Variants in IMMP1L observed in about 807,000 individuals in gnomAD.
The protein encoded by IMMP1L is mitochondrial inner membrane protease subunit 1.
IMMP1L carries 24 observed loss-of-function variants against 21.8 expected under a neutral mutation model. The ratio of observed to expected loss-of-function variants is 1.10; its 90% CI spans 0.80 to 1.55. The LOEUF (loss-of-function observed/expected upper bound fraction) is 1.55, where lower values mean the gene tolerates loss of function less well. Ranked by LOEUF, IMMP1L falls within the 40% of genes most tolerant of loss-of-function variation. The probability of loss-of-function intolerance (pLI) is 0.00; values close to 1 mark genes in which losing one functional copy is unlikely to be tolerated. For synonymous variants in IMMP1L, 46 were observed against 62.8 expected, an observed-to-expected ratio of 0.73 and a Z score of 1.26; for missense variants, 195 against 200.7, an observed-to-expected ratio of 0.97 and a Z score of 0.17.
chr11:31,476,021 T>C (rs915026511), intron 1 of IMMP1L, among the ~76,000 whole-genome samples: 2 of 152,110 alleles, frequency 1.3e-5, no homozygotes, highest in Admixed American at 6.5e-5. Context: ...AAATATATAA[T>C]ACTACAAGCT....
At chr11:31,500,295 G>A (rs750495803) in intron 1 of IMMP1L, among the ~76,000 whole-genome samples, 22 of 151,896 alleles carry the variant, frequency 1.4e-4, no homozygotes, top group Non-Finnish European at 2.2e-4. Context: ...AGGAAAACAC[G>A]AGCATGAGAA....
rs376237933 is a variant in IMMP1L, at chr11:31,472,858, TTTTA to T, written c.-29-9557_-29-9554del. ...TGAGAACTTAGATACCTCTTTTATTTTTTATTTATTTATTTATTTTTTTTTGAGA... is the reference window on the plus strand; with the variant it reads ...TGAGAACTTAGATACCTCTTTTATTTTTTATTTATTTATTTTTTTTTGAGA... On this transcript the variant is annotated intron_variant, in intron 1 of 5. Coordinates refer to ENST00000532287, the MANE Select transcript of IMMP1L (RefSeq NM_001304274.2). Among the ~76,000 whole-genome samples the T allele has an allele frequency of 3.7e-3, 568 of 152,146 alleles. 9 individuals carry two copies. The highest frequency in any genetic ancestry group is 0.03 in the South Asian group (146 of 4,816).
intron 1 of IMMP1L, among the ~76,000 whole-genome samples, chr11:31,507,470 T>C (rs1444553158): frequency 1.3e-5 from 2 of 152,174 alleles, no homozygotes; most frequent in South Asian, 2.1e-4. Flanking sequence ...TTGGGAAATC[T>C]AAAGGGTTAA....
intron 1 of IMMP1L, among the ~76,000 whole-genome samples, chr11:31,494,737 A>G (rs1254235771): frequency 1.3e-5 from 2 of 151,628 alleles, no homozygotes; most frequent in East Asian, 3.9e-4. Context: ...CACCTCCCGG[A>G]TTTACTTACG....
chr11:31,499,105 C>G (rs532970850), intron 1 of IMMP1L, among the ~76,000 whole-genome samples: 3 of 152,182 alleles, frequency 2.0e-5, no homozygotes, highest in Non-Finnish European at 4.4e-5. Flanking sequence ...GTGGCTTACA[C>G]TGTAATCCCA....
At chr11:31,460,488 CAA>C in intron 3 of IMMP1L, 136 bp downstream of exon 3, 1 of 584,178 alleles carries the variant, frequency 1.7e-6, no homozygotes, top group South Asian at 2.6e-5. Context: ...ATATTTGACT[CAA>C]AATTTTATCT....
chr11:31,489,771 G>T, intron 1 of IMMP1L, among the ~76,000 whole-genome samples: 1 of 150,708 alleles, frequency 6.6e-6, no homozygotes. Context: ...TTTTAACCTG[G>T]TACCTTTAAA....
chr11:31,446,008 G>GT (rs1953506257), intron 4 of IMMP1L, among the ~76,000 whole-genome samples: 1 of 152,132 alleles, frequency 6.6e-6, no homozygotes. Flanking sequence ...AATTGCCACA[G>GT]TATTAATTTA....
intron 4 of IMMP1L, 137 bp from the exon 5 acceptor site, chr11:31,433,707 G>A: frequency 2.2e-6 from 1 of 449,910 alleles, no homozygotes; most frequent in Non-Finnish European, 3.9e-6. Flanking sequence ...TCCTAATATT[G>A]CATTTTTGCT....
At chr11:31,453,228 C>A in intron 4 of IMMP1L, 1 of 574,750 alleles carries the variant, frequency 1.7e-6, no homozygotes, top group Non-Finnish European at 2.6e-6. Flanking sequence ...ATCACTTAAC[C>A]AATGATTTGT....
intron 2 of IMMP1L, 124 bp from the exon 3 acceptor site, chr11:31,460,838 T>C (rs934500765): frequency 4.1e-6 from 3 of 723,724 alleles, no homozygotes; most frequent in African/African-American, 3.6e-5. Flanking sequence ...GGATGATTCA[T>C]GAAAATTTGG....
chr11:31,459,502 A>G (rs549497939), intron 3 of IMMP1L, among the ~76,000 whole-genome samples: 1 of 152,352 alleles, frequency 6.6e-6, no homozygotes, highest in East Asian at 1.9e-4. Flanking sequence ...ATATTAAATT[A>G]TTAATACTTG....
intron 5 of IMMP1L, 105 bp downstream of exon 5, chr11:31,433,355 G>A: frequency 1.6e-6 from 1 of 621,294 alleles, no homozygotes; most frequent in East Asian, 2.9e-5. Context: ...TATATTCGGT[G>A]CAACAGTTAA....
chr11:31,484,410 A>G (rs1425411423), intron 1 of IMMP1L, among the ~76,000 whole-genome samples: 1 of 151,906 alleles, frequency 6.6e-6, no homozygotes, highest in African/African-American at 2.4e-5. Flanking sequence ...TAACAATGGT[A>G]TGTGAAAAAC....
At chr11:31,452,315 T>C in intron 4 of IMMP1L, 1 of 983,886 alleles carries the variant, frequency 1.0e-6, no homozygotes, top group Non-Finnish European at 1.2e-6. Context: ...AATATTATAC[T>C]AATAAACATT....
chr11:31,489,063 A>ATT (rs1271784812), intron 1 of IMMP1L, among the ~76,000 whole-genome samples: 1 of 151,476 alleles, frequency 6.6e-6, no homozygotes, highest in African/African-American at 2.4e-5. Flanking sequence ...TGCCCAGCTA[A>ATT]TTTTTTTGTA....
intron 1 of IMMP1L, among the ~76,000 whole-genome samples, chr11:31,506,311 C>A (rs1955777909): frequency 1.4e-5 from 2 of 147,078 alleles, no homozygotes; most frequent in South Asian, 4.3e-4. Flanking sequence ...TCACTGCAAG[C>A]TCTGCCTCCC....
At chr11:31,474,028 T>C (rs1266130407) in intron 1 of IMMP1L, among the ~76,000 whole-genome samples, 6 of 152,070 alleles carry the variant, frequency 3.9e-5, no homozygotes, top group African/African-American at 7.2e-5. Context: ...AGTGTTCACA[T>C]TAAGAAAGGG....
chr11:31,480,789 AC>A (rs921191389), intron 1 of IMMP1L, among the ~76,000 whole-genome samples: 4 of 152,110 alleles, frequency 2.6e-5, no homozygotes, highest in African/African-American at 7.2e-5. Context: ...AATAATAATA[AC>A]AAAAAAACTT....
Sources: allele counts gnomAD v4.1 joint callset (sites outside exome capture counted in the v4.1 genomes callset), GRCh38; gene constraint gnomAD v4.1.1; transcripts MANE v1.5; gene names NCBI Gene and HGNC (gene_info 2026-07-23, HGNC 2026-07-21).